Variants in LMO7 observed in about 807,000 individuals in gnomAD.
LMO7 encodes the protein LIM domain only protein 7.
Under a neutral mutation model 206.5 loss-of-function variants are expected in LMO7, and 120 were observed. The ratio of observed to expected loss-of-function variants is 0.58; its 90% CI spans 0.50 to 0.68. LMO7 has a LOEUF of 0.68. Ranked by LOEUF, LMO7 falls within the 30% of genes least tolerant of loss-of-function variation. The probability of loss-of-function intolerance (pLI) is 0.00; values close to 1 mark genes in which losing one functional copy is unlikely to be tolerated. For missense variants in LMO7, 1,959 were observed against 1,957.9 expected (o/e 1.00, Z -0.01); for synonymous variants, 706 against 681.5 (o/e 1.04, Z -0.56).
At chr13:75,737,777 T>TGAAATAAA (rs1555305719) in intron 3 of LMO7, among the ~76,000 whole-genome samples, 3 of 22,710 alleles carry the variant, frequency 1.3e-4, no homozygotes, top group African/African-American at 2.2e-4. Flanking sequence ...TAAAATAAAA[T>TGAAATAAA]AAAATAAAAA....
At chr13:75,728,401 T>C (rs925107812) in intron 3 of LMO7, among the ~76,000 whole-genome samples, 3 of 152,228 alleles carry the variant, frequency 2.0e-5, no homozygotes, top group Non-Finnish European at 4.4e-5. Flanking sequence ...TTCATGTGTC[T>C]TTTGGCTGCA....
At chr13:75,673,400 AGAGCTATT>A (rs898225691) in intron 1 of LMO7, among the ~76,000 whole-genome samples, 2 of 152,166 alleles carry the variant, frequency 1.3e-5, no homozygotes, top group Non-Finnish European at 2.9e-5. Context: ...ATCTTCCAGG[AGAGCTATT>A]GCCTTGCCGG....
chr13:75,726,894 C>CT (rs983851277), intron 2 of LMO7, 135 bp from the exon 3 acceptor site: 2 of 645,940 alleles, frequency 3.1e-6, no homozygotes, highest in African/African-American at 3.7e-5. Flanking sequence ...TGGTTATTTG[C>CT]TTTTTGATGG....
chr13:75,840,304 A>G, intron 21 of LMO7, 87 bp from the exon 22 acceptor site: 1 of 1,481,896 alleles, frequency 6.7e-7, no homozygotes. Flanking sequence ...TGATATGAAT[A>G]ATTTATGTGT....
At chr13:75,691,192 T>TAA (rs920143878) in intron 1 of LMO7, among the ~76,000 whole-genome samples, 7 of 152,194 alleles carry the variant, frequency 4.6e-5, no homozygotes, top group Non-Finnish European at 1.5e-5. Flanking sequence ...CACAAAGCTT[T>TAA]AAAAAAATTA....
intron 1 of LMO7, among the ~76,000 whole-genome samples, chr13:75,700,331 A>C (rs201656417): frequency 6.6e-6 from 1 of 152,246 alleles, no homozygotes; most frequent in African/African-American, 2.4e-5. Flanking sequence ...TGTCCATGAA[A>C]TCTTCACAAT....
chr13:75,672,193 T>G (rs1594189256), intron 1 of LMO7, among the ~76,000 whole-genome samples: 1 of 152,070 alleles, frequency 6.6e-6, no homozygotes, highest in East Asian at 1.9e-4. Context: ...ACAGTATAGC[T>G]TGACTGCCCT....
At chr13:75,621,814 G>A in exon 1 of LMO7, 1 of 1,611,992 alleles carries the variant, frequency 6.2e-7, no homozygotes, top group East Asian at 2.2e-5. Context: ...ATGTGCTCAT[G>A]TCTGCATCTG....
At chr13:75,736,967 G>A (rs2045878445) in intron 3 of LMO7, among the ~76,000 whole-genome samples, 1 of 152,120 alleles carries the variant, frequency 6.6e-6, no homozygotes, top group African/African-American at 2.4e-5. Context: ...TCTAGAATTG[G>A]GTCTTTGATG....
intron 1 of LMO7, among the ~76,000 whole-genome samples, chr13:75,649,690 A>G (rs117781347): frequency 1.7e-4 from 26 of 152,310 alleles, no homozygotes; most frequent in Non-Finnish European, 2.9e-4. Context: ...ATTTATTTGT[A>G]TTTACAAAAT....
intron 3 of LMO7, among the ~76,000 whole-genome samples, chr13:75,735,919 T>C (rs1450249351): frequency 1.3e-5 from 2 of 152,140 alleles, no homozygotes; most frequent in Non-Finnish European, 2.9e-5. Flanking sequence ...AAATAGCTTA[T>C]TGCTTTAATT....
intron 11 of LMO7, among the ~76,000 whole-genome samples, chr13:75,809,904 T>C (rs2056115123): frequency 6.7e-6 from 1 of 148,644 alleles, no homozygotes; most frequent in Non-Finnish European, 1.5e-5. Flanking sequence ...CAATCTTGGC[T>C]CACAGCAACT....
rs2063148366 is a variant in LMO7 at position 75,839,916 on chromosome 13, G to A, written c.3452-169G>A. The A allele has an allele frequency of 2.4e-5, 14 of 592,262 alleles. 1 individual carries two copies. The South Asian group carries it at 3.4e-4, about 15-fold the overall frequency. The allele number at this position is 592,262 out of a possible 1,614,324, so 36.7% of individuals were successfully genotyped here. ...TGAAAGATGAGTAACAGATGGAACT[G>A]TTACACCTGGAGAAAAAAGGATTTA... is the stretch of plus-strand genomic sequence containing the variant. On this transcript the variant is annotated intron_variant, in intron 20 of 30. Coordinates refer to ENST00000377534, the MANE Select transcript of LMO7 (RefSeq NM_001306080.2).
chr13:75,798,258 T>C (rs953345833), intron 6 of LMO7, among the ~76,000 whole-genome samples: 1 of 152,174 alleles, frequency 6.6e-6, no homozygotes, highest in Non-Finnish European at 1.5e-5. Flanking sequence ...TAATCCCAGC[T>C]ACTCGGGAGG....
intron 16 of LMO7, among the ~76,000 whole-genome samples, chr13:75,833,823 GA>G (rs996516288): frequency 6.6e-6 from 1 of 151,978 alleles, no homozygotes; most frequent in Non-Finnish European, 1.5e-5. Context: ...TTTAGTTATG[GA>G]GTAATTTTAA....
chr13:75,694,515 G>A (rs186108602), intron 1 of LMO7, among the ~76,000 whole-genome samples: 1 of 152,294 alleles, frequency 6.6e-6, no homozygotes, highest in African/African-American at 2.4e-5. Context: ...TAGGGTAGTA[G>A]AGGAGATTAA....
At chr13:75,709,043 C>T (rs912734345) in intron 1 of LMO7, among the ~76,000 whole-genome samples, 39 of 151,900 alleles carry the variant, frequency 2.6e-4, no homozygotes, top group Non-Finnish European at 4.9e-4. Context: ...TGAGAACATG[C>T]GGTGTTTGGT....
chr13:75,840,550 T>C, intron 22 of LMO7, 55 bp downstream of exon 22: 2 of 1,586,438 alleles, frequency 1.3e-6, no homozygotes, highest in Non-Finnish European at 1.7e-6. Context: ...ACGGCTTTTC[T>C]CCAGTCTGTC....
intron 30 of LMO7, 127 bp from the exon 31 acceptor site, chr13:75,857,794 G>T: frequency 1.8e-6 from 1 of 540,590 alleles, no homozygotes; most frequent in East Asian, 3.0e-5. Context: ...TCCTAAGAGT[G>T]AGTGACAGGT....
Sources: allele counts gnomAD v4.1 joint callset (sites outside exome capture counted in the v4.1 genomes callset), GRCh38; gene constraint gnomAD v4.1.1; transcripts MANE v1.5; gene names NCBI Gene and HGNC (gene_info 2026-07-23, HGNC 2026-07-21).